The following SREBF1 variants were observed in gnomAD, a reference collection of about 807,000 sequenced individuals.
SREBF1 encodes sterol regulatory element binding transcription factor 1, also known as sterol regulatory element-binding protein 1.
SREBF1 carries 45 observed loss-of-function variants against 100.1 expected under a neutral mutation model. The ratio of observed to expected loss-of-function variants is 0.45; its 90% CI spans 0.35 to 0.58. SREBF1 has a LOEUF of 0.58. SREBF1 is among the 20% of genes least tolerant of loss of function. The pLI is 0.00. For missense variants in SREBF1, 1,324 were observed against 1,539.4 expected (o/e 0.86, Z 2.34); for synonymous variants, 657 against 681.8 (o/e 0.96, Z 0.57).
chr17:17,815,803 A>G, intron 12 of SREBF1, 57 bp downstream of exon 12: 1 of 1,548,102 alleles, frequency 6.5e-7, no homozygotes, highest in Non-Finnish European at 8.8e-7. Flanking sequence ...GACAAGGGAC[A>G]GGACAGGAAT....
Position 17,824,263 on chromosome 17 carries a change from C to T in SREBF1, c.92-3742G>A, listed in dbSNP as rs2034342636. Among the ~76,000 whole-genome samples the T allele has an allele frequency of 6.6e-6, 1 of 152,234 alleles. No individual in the cohort carries two copies. Among genetic ancestry groups the T allele is most frequent in the Non-Finnish European group, 1.5e-5 (1 of 68,038 alleles). On this transcript the variant is annotated intron_variant, in intron 1 of 18. Coordinates refer to ENST00000261646, the MANE Select transcript of SREBF1 (RefSeq NM_004176.5). The surrounding 1 kb of genome is among the most constrained non-coding windows in gnomAD (Gnocchi z 4.2). Reference sequence around the variant, plus strand: ...AGCCCCAGGAAGGGGCCACCCCTCACCACAGCGGGGCTGATGGTCTGGGAT... The same window carrying T: ...AGCCCCAGGAAGGGGCCACCCCTCATCACAGCGGGGCTGATGGTCTGGGAT...
At chr17:17,825,202 G>A (rs1480581196) in intron 1 of SREBF1, among the ~76,000 whole-genome samples, 1 of 152,206 alleles carries the variant, frequency 6.6e-6, no homozygotes, top group Non-Finnish European at 1.5e-5. Context: ...CAGGGCCAGG[G>A]CCACTGTGAA....
At chr17:17,816,140 A>G in intron 11 of SREBF1, 67 bp downstream of exon 11, 1 of 1,006,490 alleles carries the variant, frequency 9.9e-7, no homozygotes. Context: ...CATCCCGTGT[A>G]GCTCTTACCC....
At chr17:17,819,800 C>A (rs1185614104) in intron 2 of SREBF1, 75 bp from the exon 3 acceptor site, 1 of 1,489,716 alleles carries the variant, frequency 6.7e-7, no homozygotes, top group Non-Finnish European at 8.9e-7. Context: ...AGGTCTCTAT[C>A]ACCGACTGGC....
chr17:17,821,789 C>G (rs1017660608), intron 1 of SREBF1, among the ~76,000 whole-genome samples: 1 of 152,212 alleles, frequency 6.6e-6, no homozygotes, highest in African/African-American at 2.4e-5. Context: ...CAGATCAGAG[C>G]AGGGTCCTCA....
At chr17:17,818,053 GC>G in intron 6 of SREBF1, 137 bp from the exon 7 acceptor site, 1 of 976,876 alleles carries the variant, frequency 1.0e-6, no homozygotes, top group East Asian at 2.5e-5. Context: ...CTGGGTTAGG[GC>G]CAAAGGGAGG....
intron 1 of SREBF1, among the ~76,000 whole-genome samples, chr17:17,826,998 A>G (rs868746357): frequency 6.6e-6 from 1 of 152,222 alleles, no homozygotes; most frequent in African/African-American, 2.4e-5. Flanking sequence ...ATCCTGTGCC[A>G]GGCACTGGGG....
At chr17:17,813,146 T>TTTTA in intron 18 of SREBF1, 1 of 600,250 alleles carries the variant, frequency 1.7e-6, no homozygotes, top group Non-Finnish European at 3.0e-6. Context: ...TTTTTTTTTT[T>TTTTA]GAGACAGGGA....
At position 17,811,644 on chromosome 17, in the gene SREBF1, G is replaced by A; in HGVS notation, c.*978C>T. ...TGTGGCGGCAGGTCGGGAGGGAGGA[G>A]GCTTCTTTGCTGTGAGATGACCAGG... On this transcript the variant is annotated 3_prime_UTR_variant, in exon 19 of 19. Transcript: ENST00000261646. 2.3e-6 allele frequency: 1 copy of A among 442,694 alleles called. No individual in the cohort carries two copies. Among genetic ancestry groups the A allele is most frequent in the Non-Finnish European group, 4.5e-6 (1 of 222,046 alleles). 27.4% of individuals were successfully genotyped at this position (442,694 alleles called of 1,614,324 possible). A position where few individuals can be genotyped will look rare whatever the true frequency, so the allele number is the denominator to read the frequency against.
At chr17:17,820,551 G>A in intron 1 of SREBF1, 30 bp from the exon 2 acceptor site, 1 of 1,609,484 alleles carries the variant, frequency 6.2e-7, no homozygotes, top group Non-Finnish European at 8.5e-7. Flanking sequence ...GTGCGTGAGT[G>A]AGGCAGAGAC....
rs576865566 is a variant in SREBF1, at chr17:17,832,570, C to T, written c.91+4157G>A. The stretch of plus-strand genomic sequence containing the variant: ...CTTCAAAAGCAGGCTCGACCTCTGA[C>T]CAGCAATTCCCCTCCCAGAACCTCA... On this transcript the variant is annotated intron_variant, in intron 1 of 18. Coordinates refer to ENST00000261646, the MANE Select transcript of SREBF1 (RefSeq NM_004176.5). Among the ~76,000 whole-genome samples the T allele has an allele frequency of 5.3e-5, 8 of 152,334 alleles. 1 individual carries two copies. The South Asian group carries it at 1.7e-3, about 32-fold the overall frequency.
chr17:17,826,325 G>C (rs1303664991), intron 1 of SREBF1, among the ~76,000 whole-genome samples: 1 of 150,040 alleles, frequency 6.7e-6, no homozygotes, highest in African/African-American at 2.5e-5. Context: ...GGCCAGTCTA[G>C]AGTAAGGCAG....
rs753129914 is a variant in SREBF1 at position 17,812,689 on chromosome 17, C to T, written c.3377G>A (p.Arg1126Gln). The T allele has an allele frequency of 3.1e-6, 5 of 1,606,270 alleles. No homozygotes were observed. The highest frequency in any genetic ancestry group is 1.7e-5 in the Admixed American group (1 of 59,558). Residue 1126 changes from arginine to glutamine, a missense_variant, in exon 19 of 19, where the codon CGG becomes CAG. Transcript: ENST00000261646. ...CATCTGCTGACAGTCGTGCAGCAGC[C>T]GGCGATCGCCAAGCTTCTCGAGTGT... The part of the protein sequence containing the change: ...ARTLEKLGDR[R>Q]LLHDCQQMLM...
chr17:17,819,226 C>T lies in SREBF1; in HGVS notation c.855G>A (p.Val285=). Residue 285 remains valine (V), a synonymous_variant, in exon 5 of 19, where the codon GTG becomes GTA. Transcript: ENST00000261646. ...CTGTTGCCAAGATGGTTCCGCCACT[C>T]ACCAGGGTCTGCAGGGCCAGGCACA... is the stretch of plus-strand genomic sequence containing the variant. The part of the protein sequence containing the change: ...TVQTGPLPTL[V]SGGTILATVP... 6.2e-7 allele frequency: 1 copy of T among 1,614,080 alleles called. No homozygotes were observed. Among genetic ancestry groups the T allele is most frequent in the Non-Finnish European group, 8.5e-7 (1 of 1,180,046 alleles).
At chr17:17,823,676 C>G (rs1260356312) in intron 1 of SREBF1, 3 of 1,155,704 alleles carry the variant, frequency 2.6e-6, no homozygotes, top group Non-Finnish European at 3.5e-6. Flanking sequence ...CCGCCCCGCC[C>G]CCAGCCCCGC....
At chr17:17,821,902 C>A (rs1159405571) in intron 1 of SREBF1, among the ~76,000 whole-genome samples, 5 of 152,244 alleles carry the variant, frequency 3.3e-5, no homozygotes, top group African/African-American at 9.6e-5. Flanking sequence ...TGGGGCCAGG[C>A]TAGACCCCTA....
intron 1 of SREBF1, among the ~76,000 whole-genome samples, chr17:17,822,099 T>C (rs1350822870): frequency 6.6e-6 from 1 of 152,178 alleles, no homozygotes; most frequent in Non-Finnish European, 1.5e-5. Context: ...CTCAAAAGAT[T>C]AGCTCACCTC....
intron 1 of SREBF1, among the ~76,000 whole-genome samples, chr17:17,822,741 G>A (rs1268686720): frequency 1.3e-5 from 2 of 152,238 alleles, no homozygotes; most frequent in South Asian, 2.1e-4. Context: ...TTCCTCATCT[G>A]TACAACAGAA....
rs1441477529 is a variant in SREBF1 at position 17,815,227 on chromosome 17, C to T, written c.2486G>A (p.Gly829Glu). 5.0e-6 allele frequency: 8 copies of T among 1,613,288 alleles called. No homozygotes were observed. Among genetic ancestry groups the T allele is most frequent in the Non-Finnish European group, 6.8e-6 (8 of 1,179,834 alleles). ...QPNPSPGSAD[G>E]DKEFSDALGY... ...AGGGCACAACGACACTTACTTGTCC[C>T]CATCAGCTGACCCAGGGCTGGGGTT... Residue 829 changes from glycine (G) to glutamate (E), a missense_variant, in exon 13 of 19, where the codon GGG becomes GAG. Gly to Glu is a moderately conservative substitution (Grantham distance 98). Transcript: ENST00000261646.
Sources: allele counts gnomAD v4.1 joint callset (sites outside exome capture counted in the v4.1 genomes callset), GRCh38; gene constraint gnomAD v4.1.1; non-coding constraint Gnocchi (gnomAD v3.1); transcripts MANE v1.5; gene names NCBI Gene and HGNC (gene_info 2026-07-23, HGNC 2026-07-21).